NAALADL1: variants seen among roughly 807,000 people sequenced by gnomAD.
NAALADL1 encodes N-acetylated alpha-linked acidic dipeptidase like 1.
NAALADL1 carries 77 observed loss-of-function variants against 82.8 expected under a neutral mutation model. The ratio of observed to expected loss-of-function variants is 0.93; its 90% CI spans 0.77 to 1.12. The LOEUF is 1.12. NAALADL1 is among the 50% of genes most tolerant of loss of function. The pLI is 0.00. For synonymous variants in NAALADL1, 358 were observed against 399.2 expected, an observed-to-expected ratio of 0.90 and a Z score of 1.23; for missense variants, 956 against 964.0, an observed-to-expected ratio of 0.99 and a Z score of 0.11.
At position 65,057,506 on chromosome 11, in the gene NAALADL1, G is replaced by C; in HGVS notation, c.481-13C>G. On this transcript the variant is annotated splice_polypyrimidine_tract_variant and intron_variant, in intron 3 of 17. Coordinates refer to ENST00000358658, the MANE Select transcript of NAALADL1 (RefSeq NM_005468.3). ...AGACGAGGAGGCCCTAGTCCCAAGA[G>C]GGGGTGATCCTTAGAGCTGGGCCCA... 2 of 1,610,756 alleles carry C rather than the reference G, an allele frequency of 1.2e-6. No homozygotes were observed. The highest frequency in any genetic ancestry group is 8.5e-7 in the Non-Finnish European group (1 of 1,178,254).
chr11:65,048,037 G>A lies in NAALADL1; in HGVS notation c.1360C>T (p.Leu454Phe), dbSNP rs767136054. The A allele has an allele frequency of 6.2e-7, 1 of 1,613,748 alleles. No homozygotes were observed. The highest frequency in any genetic ancestry group is 1.7e-5 in the Admixed American group (1 of 59,982). Residue 454 changes from leucine to phenylalanine, a missense_variant, in exon 11 of 18, where the codon CTT (leucine) becomes TTT (phenylalanine). Leu to Phe is a conservative substitution (Grantham distance 22, BLOSUM62 0). Transcript: ENST00000358658. ...ACAGGGGGCGTCCCCTGCACCCTAA[G>A]GGTAGCGTTGGCTGTGGGAGGAGGG... ...VDISVFANAT[L>F]RVQGTPPVQS...
At position 65,048,182 on chromosome 11, in the gene NAALADL1, C is replaced by T. The variant is rs1398514098; in HGVS notation, c.1318G>A (p.Ala440Thr). ...FFNKLQERTV[A>T]YINVDISVFA... ...ACCGAGATGTCCACGTTGATGTAGG[C>T]CACCGTGCGCTCCTGCAGCTTGTTG... The change falls in exon 10 of 18, where the codon GCC becomes ACC. Residue 440 changes from alanine (A) to threonine (T), a missense_variant. Transcript: ENST00000358658. 1 of 1,614,056 alleles carries T rather than the reference C, an allele frequency of 6.2e-7. No individual in the cohort carries two copies. Among genetic ancestry groups the T allele is most frequent in the Admixed American group, 1.7e-5 (1 of 60,016 alleles).
chr11:65,047,703 G>T lies in NAALADL1; in HGVS notation c.1452C>A (p.Tyr484Ter), dbSNP rs368128569. 5.0e-6 allele frequency: 8 copies of T among 1,608,104 alleles called. No homozygotes were observed. The highest frequency in any genetic ancestry group is 6.8e-6 in the Non-Finnish European group (8 of 1,178,032). The part of the protein sequence containing the change: ...RSPGPGDLSI[Y>*]DNWIRYFNRS... ...GGTTGAAGTACCGGATCCAGTTGTC[G>T]TAGATGCTCAGGTCGCCAGGGCCTG... Residue 484 changes from tyrosine to a stop codon, truncating the protein, a stop_gained, in exon 12 of 18, where the codon TAC becomes TAA. Coordinates refer to ENST00000358658, the MANE Select transcript of NAALADL1 (RefSeq NM_005468.3). LOFTEE classifies it high-confidence loss of function.
At position 65,046,109 on chromosome 11, in the gene NAALADL1, G is replaced by A. The variant is rs771120756; in HGVS notation, c.1861C>T (p.Leu621=). The A allele has an allele frequency of 6.3e-5, 102 of 1,614,032 alleles. 1 individual carries two copies. The South Asian group carries it at 1.1e-3, about 17-fold the overall frequency. ...LEQHSISLGP[L]VTAVEKFEAE... ...TCAAACTTCTCCACTGCAGTCACCAGAGGCCCTGTGAGGAACAAGCAGTGG... is the reference window on the plus strand; with the variant it reads ...TCAAACTTCTCCACTGCAGTCACCAAAGGCCCTGTGAGGAACAAGCAGTGG... Residue 621 remains leucine (L), a synonymous_variant, in exon 16 of 18, where the codon CTG becomes TTG. Coordinates refer to ENST00000358658, the MANE Select transcript of NAALADL1 (RefSeq NM_005468.3).
In NAALADL1 at chr11:65,048,235, C is replaced by A. The variant is rs375495858; in HGVS notation, c.1285-20G>T. 106 of 1,613,986 alleles carry A rather than the reference C, an allele frequency of 6.6e-5. No homozygotes were observed. In the African/African-American group the frequency reaches 1.3e-3, roughly 20 times the overall value. On this transcript the variant is annotated intron_variant, in intron 9 of 17. Coordinates refer to ENST00000358658, the MANE Select transcript of NAALADL1 (RefSeq NM_005468.3). Reference sequence around the variant, plus strand: ...GAACTCCTGCGGGTGCGAGGGGCGACGTCAGCCCCGCGCCGTTCTGTCCTG... The same window carrying A: ...GAACTCCTGCGGGTGCGAGGGGCGAAGTCAGCCCCGCGCCGTTCTGTCCTG...
chr11:65,053,428 G>A lies in NAALADL1; in HGVS notation c.1078+63C>T. ...GGTGGTGGCAAGGGCAGGGCTGGATGAGGACAGCGGCATCCAGAGCAGAGC... is the reference window on the plus strand; with the variant it reads ...GGTGGTGGCAAGGGCAGGGCTGGATAAGGACAGCGGCATCCAGAGCAGAGC... On this transcript the variant is annotated intron_variant, in intron 7 of 17. Transcript: ENST00000358658. The surrounding 1 kb of genome is among the most constrained non-coding windows in gnomAD (Gnocchi z 4.3). 2 of 1,612,594 alleles carry A rather than the reference G, an allele frequency of 1.2e-6. No individual in the cohort carries two copies. The highest frequency in any genetic ancestry group is 1.7e-6 in the Non-Finnish European group (2 of 1,178,982).
Position 65,046,500 on chromosome 11 carries a change from G to T in NAALADL1, c.1626C>A (p.Pro542=), listed in dbSNP as rs1341317390. 8 of 1,614,088 alleles carry T rather than the reference G, an allele frequency of 5.0e-6. No homozygotes were observed. Among genetic ancestry groups the T allele is most frequent in the Non-Finnish European group, 5.9e-6 (7 of 1,180,038 alleles). The change falls in exon 14 of 18, where the codon CCC becomes CCA. Residue 542 remains proline (P), a synonymous_variant. Transcript: ENST00000358658. Reference sequence around the variant, plus strand: ...AGGTGTCAAAGGCTGTGTGGTAGGTGGGGTAGATCCTGGCTGAAGTCTTGC... The same window carrying T: ...AGGTGTCAAAGGCTGTGTGGTAGGTTGGGTAGATCCTGGCTGAAGTCTTGC... The part of the protein sequence containing the change: ...DRSKTSARIY[P]TYHTAFDTFD...
At chr11:65,060,044 T>C (rs1361142127), upstream of NAALADL1, among the ~76,000 whole-genome samples, 1 of 152,178 alleles carries the variant, frequency 6.6e-6, no homozygotes. Context: ...CTATCCTGCC[T>C]TGACTCTGCC....
In NAALADL1 at chr11:65,046,223, A is replaced by G. The variant is rs1398263708; in HGVS notation, c.1821T>C (p.Leu607=). 6.2e-7 allele frequency: 1 copy of G among 1,614,106 alleles called. No homozygotes were observed. Among genetic ancestry groups the G allele is most frequent in the Non-Finnish European group, 8.5e-7 (1 of 1,180,012 alleles). ...RSFLQAAQQD[L]GALLEQHSIS... ...TGCTGTGCTGCTCCAGCAGGGCCCC[A>G]AGATCTTGCTGGGCTGCCTGCAGGA... Residue 607 remains leucine (L), a synonymous_variant, in exon 15 of 18, where the codon CTT becomes CTC. Coordinates refer to ENST00000358658, the MANE Select transcript of NAALADL1 (RefSeq NM_005468.3).
rs139760307 is a variant in NAALADL1, at chr11:65,048,027, T to G, written c.1370A>C (p.Gln457Pro). Residue 457 changes from glutamine (Q) to proline (P), a missense_variant, in exon 11 of 18, where the codon CAG becomes CCG. Physicochemically the swap from Gln to Pro is moderately conservative, Grantham distance 76. Coordinates refer to ENST00000358658, the MANE Select transcript of NAALADL1 (RefSeq NM_005468.3). ...SVFANATLRV[Q>P]GTPPVQSVVF... The stretch of plus-strand genomic sequence containing the variant: ...GACGCTCTGGACAGGGGGCGTCCCC[T>G]GCACCCTAAGGGTAGCGTTGGCTGT... The G allele has an allele frequency of 5.6e-4, 902 of 1,611,628 alleles. 1 individual carries two copies. The highest frequency in any genetic ancestry group is 7.4e-4 in the Non-Finnish European group (877 of 1,178,886).
At chr11:65,055,475 A>C (rs1316955986) in intron 4 of NAALADL1, among the ~76,000 whole-genome samples, 2 of 152,162 alleles carry the variant, frequency 1.3e-5, no homozygotes, top group African/African-American at 4.8e-5. Context: ...AAAACAATGG[A>C]ATATTATTCA....
chr11:65,053,937 G>A lies in NAALADL1; in HGVS notation c.992+313C>T. Among the ~76,000 whole-genome samples the A allele has an allele frequency of 6.6e-6, 1 of 152,100 alleles. No homozygotes were observed. The highest frequency in any genetic ancestry group is 1.9e-4 in the East Asian group (1 of 5,180). On this transcript the variant is annotated intron_variant, in intron 6 of 17. Transcript: ENST00000358658. The surrounding 1 kb of genome is among the most constrained non-coding windows in gnomAD (Gnocchi z 4.3). ...AGTGGGTGCTGTAGGGAGGGAGGTT[G>A]GTGCAGGTTGGGAGTGGCAGGGGCC...
rs1209840300 is a variant in NAALADL1, at chr11:65,044,829, C to T, written c.*442G>A. On this transcript the variant is annotated 3_prime_UTR_variant, in exon 18 of 18. Coordinates refer to ENST00000358658, the MANE Select transcript of NAALADL1 (RefSeq NM_005468.3). The surrounding 1 kb of genome is among the most constrained non-coding windows in gnomAD (Gnocchi z 4.0). ...ATAAAAGGAACTTGTTTTGTTGGTA[C>T]CAGTCACTAGATGTGATTTATTTGA... The T allele has an allele frequency of 7.8e-7, 1 of 1,275,918 alleles. No individual in the cohort carries two copies. The highest frequency in any genetic ancestry group is 1.1e-6 in the Non-Finnish European group (1 of 944,214). 79.0% of individuals were successfully genotyped at this position (1,275,918 alleles called of 1,614,324 possible).
rs1947072799 is a variant in NAALADL1, at chr11:65,057,479, A to T, written c.495T>A (p.Tyr165Ter). The change falls in exon 4 of 18, where the codon TAT becomes TAA. Residue 165 changes from tyrosine (Y) to a stop codon, truncating the protein, a stop_gained. Transcript: ENST00000358658. LOFTEE classifies it high-confidence loss of function. The stretch of plus-strand genomic sequence containing the variant: ...AGTCTTCTTCCGCGCCCCGGTTGGC[A>T]TAGACGAGGAGGCCCTAGTCCCAAG... ...PSGTPQGLLVYANRGAEEDFK... is the reference protein window; with the variant it reads ...PSGTPQGLLV 1.2e-6 allele frequency: 2 copies of T among 1,613,682 alleles called. No individual in the cohort carries two copies. The highest frequency in any genetic ancestry group is 2.7e-5 in the African/African-American group (2 of 74,926).
At chr11:65,048,453 C>T in intron 8 of NAALADL1, 68 bp from the exon 9 acceptor site, 1 of 1,568,542 alleles carries the variant, frequency 6.4e-7, no homozygotes. Context: ...AGGAGAAAGG[C>T]TGCTGACGTG....
chr11:65,047,494 A>G lies in NAALADL1; in HGVS notation c.1580T>C (p.Ile527Thr). The G allele has an allele frequency of 1.9e-6, 3 of 1,566,472 alleles. No homozygotes were observed. In the East Asian group the frequency reaches 7.1e-5, roughly 37 times the overall value. Residue 527 changes from isoleucine to threonine, a missense_variant, in exon 13 of 18, where the codon ATT becomes ACT. Transcript: ENST00000358658. ...VHFLGISSMD[I>T]AYTYDRSKTS... ...GCTCACCCGGTCATAGGTATAGGCA[A>G]TGTCCATGGAGGAGATGCCCAGGAA...
Position 65,058,486 on chromosome 11 carries a change from C to G in NAALADL1, c.36G>C (p.Gly12=). 1 of 1,608,166 alleles carries G rather than the reference C, an allele frequency of 6.2e-7. No homozygotes were observed. The highest frequency in any genetic ancestry group is 8.5e-7 in the Non-Finnish European group (1 of 1,177,282). Residue 12 remains glycine, a synonymous_variant, in exon 1 of 18, where the codon GGG becomes GGC. Transcript: ENST00000358658. ...QWTKVLGLGL[G]AAALLGLGII... ...TCCCCAGCCCCAAGAGGGCAGCAGCCCCCAGCCCCAGCCCCAACACCTTCG... is the reference window on the plus strand; with the variant it reads ...TCCCCAGCCCCAAGAGGGCAGCAGCGCCCAGCCCCAGCCCCAACACCTTCG...
Position 65,054,260 on chromosome 11 carries a change from G to A in NAALADL1, c.982C>T (p.Pro328Ser), listed in dbSNP as rs746791517. The change falls in exon 6 of 18, where the codon CCA becomes TCA. Residue 328 changes from proline to serine, a missense_variant. By Grantham distance (74) the Pro-to-Ser change is moderately conservative. Transcript: ENST00000358658. This position sits in a 1 kb window ranked among gnomAD's most constrained non-coding sequence, Gnocchi z 4.3. ...GPGFRPDGDF[P>S]ADSQVNVSVY... ...CTGGCTGCATCTCACCTGTCTGCTG[G>A]GAAGTCTCCGTCAGGCCGGAAGCCG... 3 of 1,613,980 alleles carry A rather than the reference G, an allele frequency of 1.9e-6. No homozygotes were observed. The Admixed American group carries it at 5.0e-5, about 27-fold the overall frequency.
Position 65,054,203 on chromosome 11 carries a change from T to G in NAALADL1, c.992+47A>C. On this transcript the variant is annotated intron_variant, in intron 6 of 17. Transcript: ENST00000358658. The surrounding 1 kb of genome is among the most constrained non-coding windows in gnomAD (Gnocchi z 4.3). ...ATCACAAGGGAAGGGGAGAGGCGAGTTGGGGGAGAGGGCAACTGAGGGAGA... is the reference window on the plus strand; with the variant it reads ...ATCACAAGGGAAGGGGAGAGGCGAGGTGGGGGAGAGGGCAACTGAGGGAGA... 5 of 1,503,358 alleles carry G rather than the reference T, an allele frequency of 3.3e-6. No homozygotes were observed. The highest frequency in any genetic ancestry group is 1.2e-5 in the South Asian group (1 of 85,632). 93.1% of individuals were successfully genotyped at this position (1,503,358 alleles called of 1,614,324 possible).
Sources: allele counts gnomAD v4.1 joint callset (sites outside exome capture counted in the v4.1 genomes callset), GRCh38; gene constraint gnomAD v4.1.1; non-coding constraint Gnocchi (gnomAD v3.1); transcripts MANE v1.5; gene names NCBI Gene and HGNC (gene_info 2026-07-23, HGNC 2026-07-21).